The following SORT1 variants were observed in gnomAD, a reference collection of about 807,000 sequenced individuals.
SORT1 encodes sortilin.
In SORT1, 39 loss-of-function variants were observed where a neutral mutation model predicts 101.7. The ratio of observed to expected loss-of-function variants is 0.38; its 90% CI spans 0.30 to 0.50. SORT1 has a LOEUF of 0.50. Among genes scored for constraint, SORT1 ranks in the 20% least tolerant of loss-of-function variants. SORT1 has a pLI of 0.90. For missense variants in SORT1, 878 were observed against 1,040.4 expected, an observed-to-expected ratio of 0.84 and a Z score of 2.15; for synonymous variants, 396 against 393.7, an observed-to-expected ratio of 1.01 and a Z score of -0.07.
chr1:109,335,441 G>A (rs535280266), intron 11 of SORT1, among the ~76,000 whole-genome samples: 95 of 152,288 alleles, frequency 6.2e-4, no homozygotes, highest in African/African-American at 2.1e-3. Context: ...GTGTAAAGGA[G>A]GAGAGTGTGT....
At chr1:109,322,106 GT>G (rs573038952) in intron 15 of SORT1, among the ~76,000 whole-genome samples, 53 of 145,156 alleles carry the variant, frequency 3.7e-4, no homozygotes, top group Admixed American at 6.9e-4. Flanking sequence ...CTTTCTTTCT[GT>G]TTTTTTTTTT....
chr1:109,354,626 AT>A, intron 4 of SORT1, 95 bp from the exon 5 acceptor site: 2 of 912,292 alleles, frequency 2.2e-6, no homozygotes, highest in South Asian at 1.7e-5. Context: ...TAGTTAAGAA[AT>A]TTTAGTTCTA....
In SORT1 at chr1:109,325,092, GA is replaced by G. The variant is rs1178636486; in HGVS notation, c.1644-4del. The G allele has an allele frequency of 6.3e-7, 1 of 1,597,302 alleles. No homozygotes were observed. The highest frequency in any genetic ancestry group is 8.6e-7 in the Non-Finnish European group (1 of 1,167,652). ...ATTGACCTTCGTCTGTGGAGAACCTGAAACCACAATTACAGAAAGATCATGA... is the reference window on the plus strand; with the variant it reads ...ATTGACCTTCGTCTGTGGAGAACCTGAACCACAATTACAGAAAGATCATGA... On this transcript the variant is annotated splice_region_variant and splice_polypyrimidine_tract_variant and intron_variant, in intron 13 of 19. Coordinates refer to ENST00000256637, the MANE Select transcript of SORT1 (RefSeq NM_002959.7).
At chr1:109,336,665 CG>C (rs1648851914) in intron 10 of SORT1, among the ~76,000 whole-genome samples, 1 of 151,878 alleles carries the variant, frequency 6.6e-6, no homozygotes, top group Non-Finnish European at 1.5e-5. Context: ...AAAAATTAGC[CG>C]GGTGTGGTGG....
At chr1:109,325,205 G>T in intron 13 of SORT1, 116 bp from the exon 14 acceptor site, 1 of 498,210 alleles carries the variant, frequency 2.0e-6, no homozygotes, top group Non-Finnish European at 3.5e-6. Flanking sequence ...TTTAGGTGGT[G>T]GCTTATTGGC....
chr1:109,314,699 A>C lies in SORT1; in HGVS notation c.2330T>G (p.Ile777Ser). ...MLVTVVAGVL[I>S]VKKYVCGGRF... ...TCCCCCACAGACATATTTCTTCACA[A>C]TGAGCACTCCTGCTACGACTGTGAC... The change falls in exon 18 of 20, where the codon ATT (isoleucine) becomes AGT (serine). Residue 777 changes from isoleucine (I) to serine (S), a missense_variant. By Grantham distance (142) the Ile-to-Ser change is moderately radical. Transcript: ENST00000256637. 6.2e-7 allele frequency: 1 copy of C among 1,607,048 alleles called. No individual in the cohort carries two copies. Among genetic ancestry groups the C allele is most frequent in the South Asian group, 1.1e-5 (1 of 90,938 alleles).
chr1:109,364,136 TTA>T, intron 3 of SORT1, among the ~76,000 whole-genome samples: 1 of 152,294 alleles, frequency 6.6e-6, no homozygotes, highest in East Asian at 1.9e-4. Flanking sequence ...CTTGGTAACA[TTA>T]TACTATATCA....
At chr1:109,338,848 C>T (rs1018359423) in intron 10 of SORT1, among the ~76,000 whole-genome samples, 5 of 152,056 alleles carry the variant, frequency 3.3e-5, no homozygotes, top group East Asian at 1.9e-4. Flanking sequence ...GTCTCACCAC[C>T]ACCACCAGGC....
chr1:109,344,683 T>TAC (rs914963385), intron 8 of SORT1, among the ~76,000 whole-genome samples: 1 of 152,162 alleles, frequency 6.6e-6, no homozygotes, highest in Non-Finnish European at 1.5e-5. Context: ...TATTACCTGA[T>TAC]ACACACACAC....
chr1:109,348,389 C>T (rs1170668004), intron 6 of SORT1, among the ~76,000 whole-genome samples: 1 of 145,924 alleles, frequency 6.9e-6, no homozygotes, highest in Admixed American at 6.8e-5. Context: ...TATTTAGACA[C>T]TAAACAAAAA....
intron 1 of SORT1, among the ~76,000 whole-genome samples, chr1:109,381,243 C>T (rs768701259): frequency 5.3e-5 from 8 of 152,112 alleles, no homozygotes; most frequent in Non-Finnish European, 1.2e-4. Flanking sequence ...AACTATTGAA[C>T]ATTCCCCACA....
In SORT1 at chr1:109,324,964, T is replaced by G; in HGVS notation, c.1769A>C (p.Glu590Ala). The G allele has an allele frequency of 1.9e-6, 3 of 1,613,852 alleles. No individual in the cohort carries two copies. The highest frequency in any genetic ancestry group is 2.5e-6 in the Non-Finnish European group (3 of 1,179,798). Residue 590 changes from glutamate (E) to alanine (A), a missense_variant, in exon 14 of 20, where the codon GAA becomes GCA. Transcript: ENST00000256637. ...GACCCACTGGCTGGTCAGGAAAGAT[T>G]CTGTGAAGCCCCAAATGCTGATATT... ...SMNISIWGFT[E>A]SFLTSQWVSY... is the part of the protein sequence containing the mutation.
intron 1 of SORT1, among the ~76,000 whole-genome samples, chr1:109,373,469 T>G (rs755012559): frequency 9.2e-5 from 14 of 152,104 alleles, no homozygotes; most frequent in Non-Finnish European, 2.1e-4. Context: ...GGGAAATAAT[T>G]ACCTGAAAGG....
intron 3 of SORT1, among the ~76,000 whole-genome samples, chr1:109,363,026 T>G (rs192509257): frequency 4.4e-4 from 67 of 152,270 alleles, no homozygotes; most frequent in African/African-American, 1.6e-3. Flanking sequence ...TCAAGTAACA[T>G]TCTGAAAAAC....
chr1:109,378,291 G>T (rs1490105580), intron 1 of SORT1, among the ~76,000 whole-genome samples: 1 of 151,860 alleles, frequency 6.6e-6, no homozygotes, highest in Non-Finnish European at 1.5e-5. Context: ...AGAAAGTTAA[G>T]GTTGAAATAG....
rs760225239 is a variant in SORT1, at chr1:109,355,357, T to A, written c.543+10A>T. The A allele has an allele frequency of 7.1e-7, 1 of 1,413,622 alleles. No individual in the cohort carries two copies. The highest frequency in any genetic ancestry group is 1.0e-6 in the Non-Finnish European group (1 of 997,016). The allele number at this position is 1,413,622 out of a possible 1,614,324, so 87.6% of individuals were successfully genotyped here. On this transcript the variant is annotated intron_variant, in intron 4 of 19. Transcript: ENST00000256637. ...AGCACAAGCTTTATGTATACAAGAA[T>A]GAGTCTCACCTTTCCAGAGTTCTCA...
At chr1:109,320,209 T>A (rs555867656) in intron 15 of SORT1, among the ~76,000 whole-genome samples, 1 of 152,332 alleles carries the variant, frequency 6.6e-6, no homozygotes, top group South Asian at 2.1e-4. Context: ...CAACTAAAAC[T>A]TCCAGGTTTT....
chr1:109,373,714 C>G (rs137872213), intron 1 of SORT1, among the ~76,000 whole-genome samples: 2,624 of 152,280 alleles, frequency 0.017, 40 homozygotes, highest in Middle Eastern at 0.034. Context: ...TGTTCCAGAA[C>G]AAAGTTCAAG....
At chr1:109,328,748 T>C (rs1425476020) in intron 11 of SORT1, among the ~76,000 whole-genome samples, 1 of 152,234 alleles carries the variant, frequency 6.6e-6, no homozygotes, top group Non-Finnish European at 1.5e-5. Flanking sequence ...ATAAACTTGA[T>C]AAGCACCTGA....
Sources: gnomAD v4.1 joint callset for allele counts (sites outside exome capture counted in the v4.1 genomes callset) on GRCh38, gnomAD v4.1.1 for gene constraint, MANE v1.5 for transcripts, NCBI Gene and HGNC (gene_info 2026-07-23, HGNC 2026-07-21) for gene names.